The following RECK variants were observed in gnomAD, a reference collection of about 807,000 sequenced individuals.
RECK encodes the protein reversion inducing cysteine rich protein with kazal motifs, also known as reversion-inducing cysteine-rich protein with Kazal motifs.
A neutral mutation model predicts 115.1 loss-of-function variants in RECK; 69 were observed. The observed-to-expected ratio is 0.60, with a 90% CI of 0.49 to 0.73. The LOEUF (loss-of-function observed/expected upper bound fraction) is 0.73. RECK is among the 30% of genes least tolerant of loss of function. The probability of loss-of-function intolerance (pLI) is 0.00; values close to 1 mark genes in which losing one functional copy is unlikely to be tolerated. For missense variants in RECK, 1,047 were observed against 1,203.7 expected (o/e 0.87, Z 1.93); for synonymous variants, 414 against 419.7 (o/e 0.99, Z 0.17).
intron 1 of RECK, among the ~76,000 whole-genome samples, chr9:36,051,749 C>T (rs572013973): frequency 6.6e-6 from 1 of 152,232 alleles, no homozygotes; most frequent in East Asian, 1.9e-4. Context: ...CTCCTTTATG[C>T]TGATGAGTTC....
Position 36,117,021 on chromosome 9 carries a change from T to C in RECK, c.2097T>C (p.Phe699=). The change falls in exon 17 of 21, where the codon TTT becomes TTC. Residue 699 remains phenylalanine, a synonymous_variant. Transcript: ENST00000377966. The part of the protein sequence containing the change: ...IPKPQVCLTT[F]DKFGCSQYEC... ...AACCACAGGTCTGCCTGACGACTTT[T>C]GATAAATTTGGATGTAGCCAGTATG... 1 of 1,613,060 alleles carries C rather than the reference T, an allele frequency of 6.2e-7. No homozygotes were observed. The highest frequency in any genetic ancestry group is 8.5e-7 in the Non-Finnish European group (1 of 1,179,364).
At position 36,107,989 on chromosome 9, in the gene RECK, A is replaced by G. The variant is rs780389791; in HGVS notation, c.1590A>G (p.Gly530=). 1 of 1,611,550 alleles carries G rather than the reference A, an allele frequency of 6.2e-7. No individual in the cohort carries two copies. Among genetic ancestry groups the G allele is most frequent in the Admixed American group, 1.7e-5 (1 of 59,460 alleles). The stretch of plus-strand genomic sequence containing the variant: ...TTGCTTGTACAGGTTGCAAACTGGG[A>G]GAAGCTTCTGATTTCATTGTCCGTC... ...PYFCVQGCKL[G]EASDFIVRQG... Residue 530 remains glycine, a synonymous_variant, in exon 14 of 21, where the codon GGA becomes GGG. Transcript: ENST00000377966.
chr9:36,074,628 TTA>T (rs1208619462), intron 6 of RECK, among the ~76,000 whole-genome samples: 1 of 152,160 alleles, frequency 6.6e-6, no homozygotes, highest in Non-Finnish European at 1.5e-5. Context: ...TAGAAAAATT[TTA>T]TAGACTTTTT....
chr9:36,117,284 C>T, intron 17 of RECK, 107 bp downstream of exon 17: 1 of 857,098 alleles, frequency 1.2e-6, no homozygotes, highest in Non-Finnish European at 1.8e-6. Context: ...TCTGTGAATC[C>T]TGTCAAATCT....
At chr9:36,049,366 A>G (rs1313899945) in intron 1 of RECK, among the ~76,000 whole-genome samples, 1 of 152,206 alleles carries the variant, frequency 6.6e-6, no homozygotes. Context: ...CTTTAAACAC[A>G]TGGCTGTTCT....
In RECK at chr9:36,087,732, CA is replaced by C; in HGVS notation, c.680del (p.Asn227MetfsTer7). On this transcript the variant is annotated frameshift_variant, in exon 9 of 21. Transcript: ENST00000377966. LOFTEE classifies it high-confidence loss of function. ...CCDRAEDHAC[Q>X]NACKRILMSK... is the part of the protein sequence containing the mutation. ...TGACAGAGCTGAAGACCATGCTTGC[CA>C]AAATGCCTGCAAGAGAATCCTGATG... 1 of 1,613,902 alleles carries C rather than the reference CA, an allele frequency of 6.2e-7. No homozygotes were observed. The highest frequency in any genetic ancestry group is 8.5e-7 in the Non-Finnish European group (1 of 1,179,876).
At chr9:36,098,127 G>A in intron 10 of RECK, among the ~76,000 whole-genome samples, 1 of 152,160 alleles carries the variant, frequency 6.6e-6, no homozygotes, top group Non-Finnish European at 1.5e-5. Flanking sequence ...GACAAAAGGA[G>A]TAAGTTCAAG....
At chr9:36,062,272 C>T (rs1821806181) in intron 4 of RECK, among the ~76,000 whole-genome samples, 1 of 151,314 alleles carries the variant, frequency 6.6e-6, no homozygotes, top group South Asian at 2.1e-4. Context: ...AGCAATTCTC[C>T]TGCCTCAGCC....
intron 6 of RECK, among the ~76,000 whole-genome samples, chr9:36,070,238 T>C (rs1054655578): frequency 6.6e-6 from 1 of 152,136 alleles, no homozygotes; most frequent in African/African-American, 2.4e-5. Flanking sequence ...ATAGTAACAG[T>C]AGCATTTATG....
chr9:36,123,175 A>ATT lies in RECK; in HGVS notation c.*140_*141dup. On this transcript the variant is annotated 3_prime_UTR_variant, in exon 21 of 21. Coordinates refer to ENST00000377966, the MANE Select transcript of RECK (RefSeq NM_021111.3). ...ATGTCACCTCTATTCGCCACACAGT[A>ATT]TTTTTTTTTTTAATCCGCCAATATT... 6 of 518,938 alleles carry ATT rather than the reference A, an allele frequency of 1.2e-5. No homozygotes were observed. Among genetic ancestry groups the ATT allele is most frequent in the South Asian group, 6.0e-5 (2 of 33,342 alleles). The allele number at this position is 518,938 out of a possible 1,614,324, so 32.1% of individuals were successfully genotyped here.
intron 4 of RECK, 60 bp from the exon 5 acceptor site, chr9:36,063,735 G>A: frequency 6.8e-7 from 1 of 1,474,754 alleles, no homozygotes; most frequent in South Asian, 1.2e-5. Flanking sequence ...GAAACATCTG[G>A]CATGCTATCT....
At chr9:36,099,816 A>C (rs1411146745) in intron 10 of RECK, among the ~76,000 whole-genome samples, 1 of 152,168 alleles carries the variant, frequency 6.6e-6, no homozygotes, top group African/African-American at 2.4e-5. Flanking sequence ...ATGGTGATAT[A>C]AGTATAAATA....
At chr9:36,068,068 A>G (rs1822080410) in intron 6 of RECK, among the ~76,000 whole-genome samples, 1 of 152,218 alleles carries the variant, frequency 6.6e-6, no homozygotes, top group Non-Finnish European at 1.5e-5. Flanking sequence ...GGCTCAACTC[A>G]TTATTAATGA....
At chr9:36,114,612 G>A (rs1260735019) in intron 16 of RECK, among the ~76,000 whole-genome samples, 6 of 152,172 alleles carry the variant, frequency 3.9e-5, no homozygotes, top group African/African-American at 1.4e-4. Context: ...CAGCACCTTG[G>A]GAAGCCGAGG....
At chr9:36,097,201 A>C (rs1823382474) in intron 10 of RECK, among the ~76,000 whole-genome samples, 1 of 151,748 alleles carries the variant, frequency 6.6e-6, no homozygotes. Flanking sequence ...GGTGGCAGGC[A>C]CCTGTAGTCT....
In RECK at chr9:36,116,872, CCTGATTCATCT is replaced by C. The variant is rs757390118; in HGVS notation, c.2061-110_2061-100del. On this transcript the variant is annotated intron_variant, in intron 16 of 20. Coordinates refer to ENST00000377966, the MANE Select transcript of RECK (RefSeq NM_021111.3). The stretch of plus-strand genomic sequence containing the variant: ...ATAAGCTCTTTGGAGACAGGACTGT[CCTGATTCATCT>C]CTTGCTCTCTCTTCAGCCTCCTATC... The C allele has an allele frequency of 8.2e-5, 66 of 801,788 alleles. No individual in the cohort carries two copies. The Middle Eastern group carries it at 1.1e-3, about 13-fold the overall frequency. 49.7% of individuals were successfully genotyped at this position (801,788 alleles called of 1,614,324 possible). A position where few individuals can be genotyped will look rare whatever the true frequency, so the allele number is the denominator to read the frequency against.
At chr9:36,081,749 G>T (rs771513088) in intron 7 of RECK, among the ~76,000 whole-genome samples, 1 of 151,094 alleles carries the variant, frequency 6.6e-6, no homozygotes, top group Non-Finnish European at 1.5e-5. Flanking sequence ...CAGGAGAATC[G>T]CTTGAACCCA....
chr9:36,119,663 T>C (rs1199002757), intron 18 of RECK, among the ~76,000 whole-genome samples: 4 of 152,146 alleles, frequency 2.6e-5, no homozygotes, highest in African/African-American at 9.7e-5. Context: ...CTCTAAGCAC[T>C]GGGGACACAG....
At position 36,117,093 on chromosome 9, in the gene RECK, T is replaced by A; in HGVS notation, c.2169T>A (p.Val723=). Residue 723 remains valine (V), a synonymous_variant, in exon 17 of 21, where the codon GTT becomes GTA. Transcript: ENST00000377966. ...CGTGTGACCAGGTCCAAGATCCTGT[T>A]TGTGACACAGACCACATGGAGCACA... ...QLACDQVQDP[V]CDTDHMEHNN... 6.2e-7 allele frequency: 1 copy of A among 1,614,180 alleles called. No homozygotes were observed. The highest frequency in any genetic ancestry group is 8.5e-7 in the Non-Finnish European group (1 of 1,180,012).
Sources: gnomAD v4.1 joint callset for allele counts (sites outside exome capture counted in the v4.1 genomes callset) on GRCh38, gnomAD v4.1.1 for gene constraint, MANE v1.5 for transcripts, NCBI Gene and HGNC (gene_info 2026-07-23, HGNC 2026-07-21) for gene names.